EMP1: variants seen among roughly 807,000 people sequenced by gnomAD.
EMP1 encodes epithelial membrane protein 1.
In EMP1, 5 loss-of-function variants were observed where a neutral mutation model predicts 15.7. That is an observed-to-expected ratio of 0.32 (90% CI 0.17 to 0.67). The LOEUF (loss-of-function observed/expected upper bound fraction) is 0.67. EMP1 is among the 30% of genes least tolerant of loss of function. EMP1 has a pLI of 0.74. For synonymous variants in EMP1, 78 were observed against 76.7 expected (o/e 1.02, Z -0.09); for missense variants, 166 against 194.2 (o/e 0.85, Z 0.86).
chr12:13,208,851 G>A (rs1409780336), intron 1 of EMP1, among the ~76,000 whole-genome samples: 1 of 152,162 alleles, frequency 6.6e-6, no homozygotes, highest in Non-Finnish European at 1.5e-5. Context: ...GGATCCAGGG[G>A]CCAGGCACTC....
chr12:13,219,326 G>A lies in EMP1; in HGVS notation c.*4635G>A, dbSNP rs758027708. ...TATTGGCAACTCCAGTTCCCAATAAGTTCCTCATCTCCTTCTGAGACCACC... is the reference window on the plus strand; with the variant it reads ...TATTGGCAACTCCAGTTCCCAATAAATTCCTCATCTCCTTCTGAGACCACC... On this transcript the variant is annotated 3_prime_UTR_variant, in exon 5 of 5. Coordinates refer to ENST00000256951, the MANE Select transcript of EMP1 (RefSeq NM_001423.3). 3.3e-5 allele frequency: 5 copies of A among 152,346 alleles called. No individual in the cohort carries two copies. The East Asian group carries it at 7.7e-4, about 24-fold the overall frequency. 9.4% of individuals were successfully genotyped at this position (152,346 alleles called of 1,614,324 possible).
At position 13,219,698 on chromosome 12, in the gene EMP1, G is replaced by T. The variant is rs1864242894; in HGVS notation, c.*5007G>T. On this transcript the variant is annotated 3_prime_UTR_variant, in exon 5 of 5. Coordinates refer to ENST00000256951, the MANE Select transcript of EMP1 (RefSeq NM_001423.3). The stretch of plus-strand genomic sequence containing the variant: ...ATGACTGTCTACACTTGGCACATGA[G>T]GGACTTTATGATATTAAGAGATTAA... 6.6e-6 allele frequency: 1 copy of T among 152,194 alleles called. No individual in the cohort carries two copies. Among genetic ancestry groups the T allele is most frequent in the Non-Finnish European group, 1.5e-5 (1 of 68,032 alleles). 9.4% of individuals were successfully genotyped at this position (152,194 alleles called of 1,614,324 possible).
chr12:13,203,064 C>T (rs1482798318), intron 1 of EMP1, among the ~76,000 whole-genome samples: 1 of 152,174 alleles, frequency 6.6e-6, no homozygotes, highest in East Asian at 1.9e-4. Context: ...CCTGAGCCCA[C>T]CTGATGGGTC....
At chr12:13,200,893 T>C (rs1276762163) in intron 1 of EMP1, among the ~76,000 whole-genome samples, 3 of 152,226 alleles carry the variant, frequency 2.0e-5, no homozygotes, top group Non-Finnish European at 4.4e-5. Context: ...TTCTATTTGC[T>C]GAGCCTGTTT....
intron 1 of EMP1, among the ~76,000 whole-genome samples, chr12:13,207,423 GT>G (rs1181590771): frequency 6.6e-6 from 1 of 152,148 alleles, no homozygotes; most frequent in Non-Finnish European, 1.5e-5. Flanking sequence ...TGTTTGTGAG[GT>G]TTGCATTAGA....
chr12:13,216,527 A>T lies in EMP1; in HGVS notation c.*1836A>T, dbSNP rs1479231173. 1 of 694,398 alleles carries T rather than the reference A, an allele frequency of 1.4e-6. No homozygotes were observed. Among genetic ancestry groups the T allele is most frequent in the Non-Finnish European group, 2.6e-6 (1 of 380,112 alleles). The allele number at this position is 694,398 out of a possible 1,614,324, so 43.0% of individuals were successfully genotyped here. A position where few individuals can be genotyped will look rare whatever the true frequency, so the allele number is the denominator to read the frequency against. On this transcript the variant is annotated 3_prime_UTR_variant, in exon 5 of 5. Coordinates refer to ENST00000256951, the MANE Select transcript of EMP1 (RefSeq NM_001423.3). ...AAAAACATACTTACATTTCAGACATATCCAAAGGGAATACTCACATTTTGT... is the reference window on the plus strand; with the variant it reads ...AAAAACATACTTACATTTCAGACATTTCCAAAGGGAATACTCACATTTTGT...
At chr12:13,200,443 G>A (rs140110421) in intron 1 of EMP1, among the ~76,000 whole-genome samples, 6 of 152,280 alleles carry the variant, frequency 3.9e-5, no homozygotes, top group East Asian at 1.9e-4. Flanking sequence ...CTTAACCAGC[G>A]TAGAACGGGA....
intron 1 of EMP1, among the ~76,000 whole-genome samples, chr12:13,207,138 G>A (rs78096146): frequency 3.0e-4 from 45 of 152,166 alleles, no homozygotes; most frequent in African/African-American, 1.0e-3. Flanking sequence ...TTGAGACGGA[G>A]TCTTGCTCTG....
chr12:13,207,676 C>T (rs1382234224), intron 1 of EMP1, among the ~76,000 whole-genome samples: 4 of 152,166 alleles, frequency 2.6e-5, no homozygotes, highest in South Asian at 2.1e-4. Flanking sequence ...CCTATACCTT[C>T]CTCAGTTTCC....
rs755632922 is a variant in EMP1 at position 13,211,548 on chromosome 12, T to C, written c.38T>C (p.Ile13Thr). 6.2e-7 allele frequency: 1 copy of C among 1,614,162 alleles called. No homozygotes were observed. Among genetic ancestry groups the C allele is most frequent in the Non-Finnish European group, 8.5e-7 (1 of 1,180,008 alleles). Residue 13 changes from isoleucine to threonine, a missense_variant, in exon 2 of 5, where the codon ATC (isoleucine) becomes ACC (threonine). Ile to Thr is a moderately conservative substitution (Grantham distance 89). Coordinates refer to ENST00000256951, the MANE Select transcript of EMP1 (RefSeq NM_001423.3). This position sits in a 1 kb window ranked among gnomAD's most constrained non-coding sequence, Gnocchi z 4.7. The part of the protein sequence containing the change: ...VLLAGIFVVH[I>T]ATVIMLFVST... ...CTGGCTGGTATCTTTGTGGTCCACATCGCTACTGTTATTATGCTATTTGTT... is the reference window on the plus strand; with the variant it reads ...CTGGCTGGTATCTTTGTGGTCCACACCGCTACTGTTATTATGCTATTTGTT...
At chr12:13,203,283 CGTTTGTCAA>C (rs1264961580) in intron 1 of EMP1, among the ~76,000 whole-genome samples, 1 of 152,202 alleles carries the variant, frequency 6.6e-6, no homozygotes, top group Non-Finnish European at 1.5e-5. Flanking sequence ...CCAGAACACT[CGTTTGTCAA>C]AAGCAGAAGG....
chr12:13,217,558 T>G lies in EMP1; in HGVS notation c.*2867T>G, dbSNP rs1864225887. The G allele has an allele frequency of 6.6e-6, 1 of 152,178 alleles. No individual in the cohort carries two copies. The highest frequency in any genetic ancestry group is 1.5e-5 in the Non-Finnish European group (1 of 68,042). The allele number at this position is 152,178 out of a possible 1,614,324, so 9.4% of individuals were successfully genotyped here. A position where few individuals can be genotyped will look rare whatever the true frequency, so the allele number is the denominator to read the frequency against. Reference sequence around the variant, plus strand: ...TCATAAGGGGTCCACCTCCCCTCATTTAGCTCCCCCAGGGATTTCTTTTCC... The same window carrying G: ...TCATAAGGGGTCCACCTCCCCTCATGTAGCTCCCCCAGGGATTTCTTTTCC... On this transcript the variant is annotated 3_prime_UTR_variant, in exon 5 of 5. Transcript: ENST00000256951.
Position 13,213,498 on chromosome 12 carries a change from C to G in EMP1, c.98C>G (p.Thr33Arg), listed in dbSNP as rs148486500. 1 of 1,614,118 alleles carries G rather than the reference C, an allele frequency of 6.2e-7. No homozygotes were observed. The highest frequency in any genetic ancestry group is 8.5e-7 in the Non-Finnish European group (1 of 1,180,016). Residue 33 changes from threonine to arginine, a missense_variant, in exon 3 of 5, where the codon ACG becomes AGG. Coordinates refer to ENST00000256951, the MANE Select transcript of EMP1 (RefSeq NM_001423.3). ...TTTCAGGTCTGGTTGGTTTCCAATA[C>G]GGTAGATGCATCAGTAGGTCTTTGG... ...TIANVWLVSN[T>R]VDASVGLWKN... is the part of the protein sequence containing the mutation.
In EMP1 at chr12:13,217,858, A is replaced by C. The variant is rs1368859567; in HGVS notation, c.*3167A>C. 1 of 152,180 alleles carries C rather than the reference A, an allele frequency of 6.6e-6. No homozygotes were observed. The highest frequency in any genetic ancestry group is 1.5e-5 in the Non-Finnish European group (1 of 68,038). The allele number at this position is 152,180 out of a possible 1,614,324, so 9.4% of individuals were successfully genotyped here. A position where few individuals can be genotyped will look rare whatever the true frequency, so the allele number is the denominator to read the frequency against. On this transcript the variant is annotated 3_prime_UTR_variant, in exon 5 of 5. Coordinates refer to ENST00000256951, the MANE Select transcript of EMP1 (RefSeq NM_001423.3). ...TATATTTATTTTAAGGAATTGACTC[A>C]CATGATTTTGAAGGCAGGCAAGCCC...
chr12:13,207,924 T>G (rs1781990254), intron 1 of EMP1, among the ~76,000 whole-genome samples: 1 of 152,248 alleles, frequency 6.6e-6, no homozygotes, highest in South Asian at 2.1e-4. Flanking sequence ...ACTTTGGAAC[T>G]GCTCAGTGCA....
At chr12:13,205,375 T>C (rs1864102552) in intron 1 of EMP1, among the ~76,000 whole-genome samples, 1 of 152,192 alleles carries the variant, frequency 6.6e-6, no homozygotes, top group Admixed American at 6.6e-5. Flanking sequence ...CATATTTACA[T>C]AGGTATTTAT....
At chr12:13,210,762 A>T (rs1864158016) in intron 1 of EMP1, among the ~76,000 whole-genome samples, 1 of 152,272 alleles carries the variant, frequency 6.6e-6, no homozygotes, top group Non-Finnish European at 1.5e-5. Context: ...GCTTCCTGCC[A>T]TGAGGCACAC....
At chr12:13,200,411 C>A (rs1864054450) in intron 1 of EMP1, among the ~76,000 whole-genome samples, 1 of 152,146 alleles carries the variant, frequency 6.6e-6, no homozygotes, top group Non-Finnish European at 1.5e-5. Flanking sequence ...GGGTATCAGC[C>A]CCTTGAGAAG....
In EMP1 at chr12:13,213,812, C is replaced by T. The variant is rs768027737; in HGVS notation, c.307C>T (p.Leu103=). ...NRFFLSGATT[L]VCWLCILVGV... ...GTTCTTCCTCTCAGGGGCCACCACA[C>T]TGGTGTGCTGTGAGTATCTCATGGG... Residue 103 remains leucine, a synonymous_variant, in exon 4 of 5, where the codon CTG becomes TTG. Coordinates refer to ENST00000256951, the MANE Select transcript of EMP1 (RefSeq NM_001423.3). The T allele has an allele frequency of 1.2e-6, 2 of 1,613,980 alleles. No homozygotes were observed. Among genetic ancestry groups the T allele is most frequent in the Admixed American group, 1.7e-5 (1 of 60,026 alleles).
Sources: gnomAD v4.1 joint callset for allele counts (sites outside exome capture counted in the v4.1 genomes callset) on GRCh38, gnomAD v4.1.1 for gene constraint, Gnocchi (gnomAD v3.1) non-coding constraint, MANE v1.5 for transcripts, NCBI Gene and HGNC (gene_info 2026-07-23, HGNC 2026-07-21) for gene names.